Variants in SLC2A9 observed in about 807,000 individuals in gnomAD.
The protein encoded by SLC2A9 is solute carrier family 2 member 9.
Under a neutral mutation model 50.6 loss-of-function variants are expected in SLC2A9, and 39 were observed. The ratio of observed to expected loss-of-function variants is 0.77; its 90% CI spans 0.60 to 1.01. The LOEUF is 1.01. Ranked by LOEUF, SLC2A9 falls within the 50% of genes least tolerant of loss-of-function variation. The pLI, the probability that SLC2A9 is intolerant of heterozygous loss-of-function variation, is 0.00. For synonymous variants in SLC2A9, 324 were observed against 276.9 expected (o/e 1.17, Z -1.69); for missense variants, 686 against 677.6 (o/e 1.01, Z -0.14).
intron 10 of SLC2A9, among the ~76,000 whole-genome samples, chr4:9,856,338 C>T (rs1372603006): frequency 3.3e-5 from 5 of 152,122 alleles, no homozygotes; most frequent in African/African-American, 1.2e-4. Context: ...AGAAGACATA[C>T]ACGCAACCAA....
chr4:9,792,163 C>CTT (rs34289788), intron 3 of SLC2A9, among the ~76,000 whole-genome samples: 3,374 of 77,102 alleles, frequency 0.044, 132 homozygotes, highest in Middle Eastern at 0.069. Flanking sequence ...TTCTATGTTT[C>CTT]TTTTTTTTTT....
At chr4:9,801,243 C>T (rs1721366027) in intron 3 of SLC2A9, among the ~76,000 whole-genome samples, 1 of 152,172 alleles carries the variant, frequency 6.6e-6, no homozygotes, top group African/African-American at 2.4e-5. Context: ...CTCAGCCTCG[C>T]TACCACCTGA....
intron 6 of SLC2A9, among the ~76,000 whole-genome samples, chr4:9,939,117 T>C (rs1747664166): frequency 6.6e-6 from 1 of 152,184 alleles, no homozygotes; most frequent in African/African-American, 2.4e-5. Context: ...AGAAAACGCT[T>C]GTGTTTTCCA....
intron 3 of SLC2A9, among the ~76,000 whole-genome samples, chr4:9,788,709 T>C (rs577636732): frequency 3.3e-5 from 5 of 152,222 alleles, no homozygotes; most frequent in Non-Finnish European, 7.3e-5. Flanking sequence ...GGGGTATCCA[T>C]ACTTATCATG....
intron 8 of SLC2A9, among the ~76,000 whole-genome samples, chr4:9,895,918 T>C (rs1738465329): frequency 6.6e-6 from 1 of 152,258 alleles, no homozygotes; most frequent in Non-Finnish European, 1.5e-5. Flanking sequence ...TGCAGTGTTT[T>C]TGAGATTCAT....
chr4:9,895,710 C>T (rs930436343), intron 8 of SLC2A9, among the ~76,000 whole-genome samples: 2 of 152,212 alleles, frequency 1.3e-5, no homozygotes, highest in Non-Finnish European at 2.9e-5. Context: ...AGTTTTCATT[C>T]AGTCTAATGT....
At chr4:9,863,370 C>T (rs1344045388) in intron 10 of SLC2A9, among the ~76,000 whole-genome samples, 1 of 151,982 alleles carries the variant, frequency 6.6e-6, no homozygotes, top group African/African-American at 2.4e-5. Flanking sequence ...TGGTCTTGAA[C>T]TCATGAGCTC....
At chr4:10,030,220 C>T (rs1763895024) in intron 1 of SLC2A9, among the ~76,000 whole-genome samples, 1 of 152,120 alleles carries the variant, frequency 6.6e-6, no homozygotes, top group South Asian at 2.1e-4. Context: ...TTTAAATGTT[C>T]TTACCACAGA....
chr4:9,933,969 T>C (rs1221125039), intron 6 of SLC2A9, among the ~76,000 whole-genome samples: 2 of 152,212 alleles, frequency 1.3e-5, no homozygotes, highest in Non-Finnish European at 2.9e-5. Context: ...TGTGATTGCA[T>C]TGGGCTTACC....
chr4:9,964,170 G>A (rs971257564), intron 5 of SLC2A9, among the ~76,000 whole-genome samples: 1 of 152,120 alleles, frequency 6.6e-6, no homozygotes, highest in African/African-American at 2.4e-5. Flanking sequence ...GTATGCACCC[G>A]GGTATACAAA....
At chr4:10,011,916 C>A (rs1273185358) in intron 2 of SLC2A9, among the ~76,000 whole-genome samples, 1 of 152,218 alleles carries the variant, frequency 6.6e-6, no homozygotes, top group African/African-American at 2.4e-5. Context: ...CACAAGGAAT[C>A]TACAAGAGCC....
At position 10,013,037 on chromosome 4, in the gene SLC2A9, G is replaced by C. The variant is rs373875507; in HGVS notation, c.249+5938C>G. Among the ~76,000 whole-genome samples the C allele has an allele frequency of 5.9e-5, 9 of 152,338 alleles. No individual in the cohort carries two copies. The East Asian group carries it at 1.4e-3, about 23-fold the overall frequency. On this transcript the variant is annotated intron_variant, in intron 2 of 11. Coordinates refer to ENST00000264784, the MANE Select transcript of SLC2A9 (RefSeq NM_020041.3). ...AAACAGAGAAACCAGTTAGGGTTTA[G>C]TGTAGAGAATGAATAGAGCCTAGCT...
intron 3 of SLC2A9, among the ~76,000 whole-genome samples, chr4:9,808,287 C>G (rs949471038): frequency 1.3e-5 from 2 of 152,204 alleles, no homozygotes; most frequent in African/African-American, 4.8e-5. Flanking sequence ...CCCCAGTTCA[C>G]CCTGGTACCC....
intron 2 of SLC2A9, among the ~76,000 whole-genome samples, chr4:10,018,497 G>A (rs1762983437): frequency 6.6e-6 from 1 of 151,922 alleles, no homozygotes; most frequent in East Asian, 1.9e-4. Flanking sequence ...AGCCGAGATC[G>A]CACCACTGCA....
chr4:10,000,146 C>T (rs965869894), intron 2 of SLC2A9, among the ~76,000 whole-genome samples: 8 of 152,124 alleles, frequency 5.3e-5, no homozygotes, highest in African/African-American at 1.2e-4. Context: ...ACTCATAGCA[C>T]GGAGTGAGGA....
chr4:9,818,878 T>G (rs1279820616), intron 3 of SLC2A9, among the ~76,000 whole-genome samples: 1 of 152,012 alleles, frequency 6.6e-6, no homozygotes, highest in Non-Finnish European at 1.5e-5. Flanking sequence ...ATCCCAGCAC[T>G]TTGGGAGGCT....
rs1560412659 is a variant in SLC2A9, at chr4:9,972,150, G to GA, written c.681+8441dup. On this transcript the variant is annotated intron_variant, in intron 5 of 11. Coordinates refer to ENST00000264784, the MANE Select transcript of SLC2A9 (RefSeq NM_020041.3). ...AGTCTCCCTGTTTGTTATTTAGATT[G>GA]AAAAAATTTGCAACCATTAGTATAT... 3.3e-5 allele frequency among the ~76,000 whole-genome samples: 5 copies of GA among 152,008 alleles called. No homozygotes were observed. The South Asian group carries it at 8.3e-4, about 25-fold the overall frequency.
intron 5 of SLC2A9, 97 bp downstream of exon 5, chr4:9,980,495 T>A (rs1033810149): frequency 6.4e-7 from 1 of 1,558,934 alleles, no homozygotes; most frequent in Admixed American, 1.7e-5. Flanking sequence ...TACCAGAAAT[T>A]GCAAAATACA....
chr4:9,904,202 G>C (rs1330707888), intron 8 of SLC2A9, among the ~76,000 whole-genome samples: 1 of 152,138 alleles, frequency 6.6e-6, no homozygotes, highest in Non-Finnish European at 1.5e-5. Flanking sequence ...AACCCAGGTG[G>C]ATTATCTTAT....
Sources: gnomAD v4.1 joint callset for allele counts (sites outside exome capture counted in the v4.1 genomes callset) on GRCh38, gnomAD v4.1.1 for gene constraint, MANE v1.5 for transcripts, NCBI Gene and HGNC (gene_info 2026-07-23, HGNC 2026-07-21) for gene names.